The following BICD1 variants were observed in gnomAD, a reference collection of about 807,000 sequenced individuals.
BICD1 encodes protein bicaudal D homolog 1.
Under a neutral mutation model 92.5 loss-of-function variants are expected in BICD1, and 35 were observed. The observed-to-expected ratio is 0.38, with a 90% CI of 0.29 to 0.50. The LOEUF (loss-of-function observed/expected upper bound fraction) is 0.50, where lower values mean the gene tolerates loss of function less well. BICD1 is among the 20% of genes least tolerant of loss of function. The pLI is 0.93. For missense variants in BICD1, 950 were observed against 1,189.8 expected (o/e 0.80, Z 2.97); for synonymous variants, 429 against 465.1 (o/e 0.92, Z 1.00).
At chr12:32,273,616 A>G (rs558317492) in intron 2 of BICD1, among the ~76,000 whole-genome samples, 22 of 152,348 alleles carry the variant, frequency 1.4e-4, no homozygotes, top group Middle Eastern at 3.4e-3. Context: ...TTCAGTAATA[A>G]TGATCAGCTA....
At chr12:32,305,238 T>C (rs967413650) in intron 3 of BICD1, among the ~76,000 whole-genome samples, 1 of 152,120 alleles carries the variant, frequency 6.6e-6, no homozygotes, top group African/African-American at 2.4e-5. Flanking sequence ...TCATTATTAA[T>C]AAGGAAATAA....
chr12:32,147,987 G>C (rs1943165607), intron 1 of BICD1, among the ~76,000 whole-genome samples: 1 of 151,468 alleles, frequency 6.6e-6, no homozygotes, highest in Non-Finnish European at 1.5e-5. Flanking sequence ...CAAAAAATAA[G>C]AAAAATTAGT....
intron 2 of BICD1, among the ~76,000 whole-genome samples, chr12:32,240,931 A>G (rs1248279750): frequency 6.6e-6 from 1 of 152,184 alleles, no homozygotes; most frequent in East Asian, 1.9e-4. Context: ...AGAGTTGATG[A>G]TGTTCACCTC....
intron 2 of BICD1, among the ~76,000 whole-genome samples, chr12:32,270,821 T>C (rs1452048318): frequency 6.6e-6 from 1 of 152,194 alleles, no homozygotes; most frequent in African/African-American, 2.4e-5. Flanking sequence ...CAGGCAAAAA[T>C]ACATCATTGG....
intron 2 of BICD1, among the ~76,000 whole-genome samples, chr12:32,262,510 C>G (rs781728369): frequency 1.3e-5 from 2 of 152,166 alleles, no homozygotes; most frequent in African/African-American, 4.8e-5. Flanking sequence ...AAAAGATACA[C>G]CACAGAGCTC....
At chr12:32,283,602 A>G (rs1314552005) in intron 2 of BICD1, among the ~76,000 whole-genome samples, 1 of 152,360 alleles carries the variant, frequency 6.6e-6, no homozygotes, top group East Asian at 1.9e-4. Flanking sequence ...CCACCGTTGT[A>G]GATAATGAGC....
chr12:32,194,099 T>TCACATGATCATCACA (rs1476740503), intron 1 of BICD1, among the ~76,000 whole-genome samples: 5 of 152,168 alleles, frequency 3.3e-5, no homozygotes, highest in Non-Finnish European at 5.9e-5. Flanking sequence ...GGGATAAAAA[T>TCACATGATCATCACA]CACATGATCA....
chr12:32,207,465 C>T (rs569556736), intron 1 of BICD1, among the ~76,000 whole-genome samples: 10 of 152,004 alleles, frequency 6.6e-5, no homozygotes, highest in African/African-American at 2.4e-4. Flanking sequence ...GAATGATACT[C>T]GGTAGGCATG....
chr12:32,145,191 A>AG (rs71445846), intron 1 of BICD1, among the ~76,000 whole-genome samples: 27,117 of 152,166 alleles, frequency 0.18, 2,509 homozygotes, highest in East Asian at 0.22. Context: ...GGAAGAAAGA[A>AG]TAAAAAAGCC....
intron 1 of BICD1, among the ~76,000 whole-genome samples, chr12:32,130,517 A>G (rs1435257037): frequency 6.6e-6 from 1 of 152,198 alleles, no homozygotes; most frequent in Non-Finnish European, 1.5e-5. Flanking sequence ...ATGATAATAT[A>G]CAGTGTCGGA....
chr12:32,373,489 G>C (rs1398193138), intron 9 of BICD1, among the ~76,000 whole-genome samples: 5 of 152,156 alleles, frequency 3.3e-5, no homozygotes, highest in South Asian at 2.1e-4. Flanking sequence ...GTAATGTCAA[G>C]GTGTTAGGCA....
intron 1 of BICD1, among the ~76,000 whole-genome samples, chr12:32,129,597 T>C (rs1388697158): frequency 6.6e-6 from 1 of 151,370 alleles, no homozygotes; most frequent in East Asian, 1.9e-4. Flanking sequence ...TCTCAAACTC[T>C]GGGCTCAACC....
chr12:32,254,131 C>T (rs146725132), intron 2 of BICD1, among the ~76,000 whole-genome samples: 35 of 150,428 alleles, frequency 2.3e-4, no homozygotes, highest in South Asian at 6.4e-4. Flanking sequence ...GCCATATTCA[C>T]TGCCGTATCC....
At chr12:32,160,374 C>T (rs776884056) in intron 1 of BICD1, among the ~76,000 whole-genome samples, 5 of 152,116 alleles carry the variant, frequency 3.3e-5, no homozygotes, top group Non-Finnish European at 5.9e-5. Context: ...GTAAAGCCAT[C>T]GTTAGCTAAG....
chr12:32,231,704 G>A (rs1246690715), intron 2 of BICD1, among the ~76,000 whole-genome samples: 4 of 151,432 alleles, frequency 2.6e-5, no homozygotes, highest in African/African-American at 4.8e-5. Flanking sequence ...TCATCATCTA[G>A]CATTAGGTAT....
intron 1 of BICD1, among the ~76,000 whole-genome samples, chr12:32,132,436 C>G (rs1942584029): frequency 1.4e-5 from 2 of 144,936 alleles, no homozygotes; most frequent in South Asian, 4.5e-4. Flanking sequence ...AAAAAAAGAT[C>G]TTGAGATGAG....
At chr12:32,204,469 G>A (rs1359823169) in intron 1 of BICD1, among the ~76,000 whole-genome samples, 2 of 152,146 alleles carry the variant, frequency 1.3e-5, no homozygotes, top group Non-Finnish European at 2.9e-5. Context: ...TCTCCGGGGC[G>A]GCCAAAATTT....
intron 2 of BICD1, among the ~76,000 whole-genome samples, chr12:32,236,664 GATAGGTCAA>G (rs1946082181): frequency 6.6e-6 from 1 of 152,140 alleles, no homozygotes; most frequent in Non-Finnish European, 1.5e-5. Flanking sequence ...TGAAAGCCTA[GATAGGTCAA>G]AAGCTAGGCC....
At chr12:32,158,850 A>G (rs1306135017) in intron 1 of BICD1, among the ~76,000 whole-genome samples, 3 of 151,968 alleles carry the variant, frequency 2.0e-5, no homozygotes, top group African/African-American at 7.3e-5. Context: ...AGCACTTGCC[A>G]CTCTTGATTA....
Sources: allele counts gnomAD v4.1 joint callset (sites outside exome capture counted in the v4.1 genomes callset), GRCh38; gene constraint gnomAD v4.1.1; transcripts MANE v1.5; gene names NCBI Gene and HGNC (gene_info 2026-07-23, HGNC 2026-07-21).